IAH1: variants seen among roughly 807,000 people sequenced by gnomAD.
IAH1 encodes isoamyl acetate hydrolyzing esterase 1 (putative), also known as isoamyl acetate-hydrolyzing esterase 1 homolog.
In IAH1, 24 loss-of-function variants were observed where a neutral mutation model predicts 26.7. The ratio of observed to expected loss-of-function variants is 0.90; its 90% confidence interval spans 0.65 to 1.26. The LOEUF is 1.26. IAH1 is among the 50% of genes most tolerant of loss of function. The pLI is 0.00. For missense variants in IAH1, 300 were observed against 299.9 expected (o/e 1.00, Z 0.00); for synonymous variants, 140 against 118.5 (o/e 1.18, Z -1.18).
intron 2 of IAH1, among the ~76,000 whole-genome samples, chr2:9,477,894 A>C (rs1365331124): frequency 6.6e-6 from 1 of 152,234 alleles, no homozygotes; most frequent in Non-Finnish European, 1.5e-5. Flanking sequence ...ATACTTGCTC[A>C]GATTATCTAT....
At chr2:9,478,575 A>G (rs1224676399) in intron 3 of IAH1, among the ~76,000 whole-genome samples, 1 of 152,230 alleles carries the variant, frequency 6.6e-6, no homozygotes, top group Non-Finnish European at 1.5e-5. Context: ...GGTTGCTGGC[A>G]GTCCTAATCT....
intron 1 of IAH1, 178 bp from the exon 2 acceptor site, chr2:9,475,809 C>T: frequency 1.6e-6 from 1 of 618,576 alleles, no homozygotes. Context: ...GAAAAATCCC[C>T]CTCTGCTAAA....
At chr2:9,509,299 A>T in the IAH1 span, among the ~76,000 whole-genome samples, 3 of 152,228 alleles carry the variant, frequency 2.0e-5, no homozygotes, top group Non-Finnish European at 4.4e-5. Context: ...AGAACCAGAT[A>T]TTTATTAACA....
chr2:9,502,086 C>G, the IAH1 span: 1 of 1,190,808 alleles, frequency 8.4e-7, no homozygotes, highest in East Asian at 2.4e-5. Context: ...TAAGGTGTCT[C>G]TCATCTGAAC....
At chr2:9,502,392 C>T in the IAH1 span, 220,064 of 819,296 alleles carry the variant, frequency 0.27, 32,577 homozygotes, top group Middle Eastern at 0.32. Context: ...CTCCTGGCTC[C>T]GTCACCCACT....
the IAH1 span, chr2:9,502,383 T>A: frequency 2.1e-6 from 2 of 945,768 alleles, no homozygotes; most frequent in Non-Finnish European, 3.3e-6. Flanking sequence ...GGGGAAGACC[T>A]CCTGGCTCCG....
chr2:9,487,867 T>C (rs886464255), intron 5 of IAH1, among the ~76,000 whole-genome samples: 2 of 150,938 alleles, frequency 1.3e-5, no homozygotes, highest in Admixed American at 6.6e-5. Flanking sequence ...GGGGAGACAG[T>C]CTATCACCCA....
chr2:9,475,660 C>T (rs564494855), intron 1 of IAH1: 2 of 345,106 alleles, frequency 5.8e-6, no homozygotes, highest in Non-Finnish European at 1.1e-5. Context: ...GCCACCACAC[C>T]GGGCTAATTT....
chr2:9,487,865 A>T (rs1661694166), intron 5 of IAH1, among the ~76,000 whole-genome samples: 1 of 150,004 alleles, frequency 6.7e-6, no homozygotes, highest in Non-Finnish European at 1.5e-5. Flanking sequence ...GGGGGGAGAC[A>T]GTCTATCACC....
the IAH1 span, among the ~76,000 whole-genome samples, chr2:9,512,000 A>T: frequency 3.1e-4 from 41 of 131,378 alleles, no homozygotes; most frequent in African/African-American, 1.0e-3. Flanking sequence ...AAATAAAATA[A>T]ATATATATAC....
chr2:9,479,618 A>G (rs957399666), intron 3 of IAH1, among the ~76,000 whole-genome samples: 1 of 152,174 alleles, frequency 6.6e-6, no homozygotes, highest in Non-Finnish European at 1.5e-5. Flanking sequence ...TAATACTTAC[A>G]GCTGACACGC....
At chr2:9,503,609 G>T in the IAH1 span, among the ~76,000 whole-genome samples, 1 of 152,198 alleles carries the variant, frequency 6.6e-6, no homozygotes, top group Non-Finnish European at 1.5e-5. Flanking sequence ...GGGAGGCTGA[G>T]GCAGGCAGAT....
chr2:9,497,614 G>GAC (rs1378778192), downstream of IAH1, among the ~76,000 whole-genome samples: 6 of 152,316 alleles, frequency 3.9e-5, no homozygotes, highest in South Asian at 1.2e-3. Context: ...ATCTGGCCCT[G>GAC]ACTTCATCGC....
chr2:9,485,402 C>G (rs1481580790), intron 5 of IAH1: 12 of 152,516 alleles, frequency 7.9e-5, no homozygotes, highest in Non-Finnish European at 2.9e-5. Flanking sequence ...ACCTGTAATC[C>G]CATCACTTTG....
chr2:9,503,837 C>A, the IAH1 span, among the ~76,000 whole-genome samples: 99 of 124,730 alleles, frequency 7.9e-4, no homozygotes, highest in African/African-American at 9.1e-4. Flanking sequence ...GACTCCGTCT[C>A]AAAAAAAAAA....
In IAH1 at chr2:9,474,884, C is replaced by T; in HGVS notation, c.81+237C>T. The T allele has an allele frequency of 1.9e-6, 1 of 540,490 alleles. No individual in the cohort carries two copies. The highest frequency in any genetic ancestry group is 2.7e-6 in the Non-Finnish European group (1 of 373,416). The allele number at this position is 540,490 out of a possible 1,614,324, so 33.5% of individuals were successfully genotyped here. On this transcript the variant is annotated intron_variant, in intron 1 of 5. Transcript: ENST00000497473. This position sits in a 1 kb window ranked among gnomAD's most constrained non-coding sequence, Gnocchi z 4.3. ...AGAGCCCGGGCTCCAGGCACAGACG[C>T]GAGGGGACCCGGCCGCGCTGCCCGC... is the stretch of plus-strand genomic sequence containing the variant.
intron 3 of IAH1, among the ~76,000 whole-genome samples, chr2:9,479,796 T>G (rs907373729): frequency 4.4e-4 from 3 of 6,852 alleles, no homozygotes; most frequent in Non-Finnish European, 1.5e-3. Flanking sequence ...TGTGTATTGC[T>G]TTTTTTTTTT....
downstream of IAH1, among the ~76,000 whole-genome samples, chr2:9,491,727 T>C (rs997203055): frequency 1.3e-5 from 2 of 152,154 alleles, no homozygotes; most frequent in Non-Finnish European, 2.9e-5. Context: ...GGCTGAAGCA[T>C]AATAGGTGAC....
chr2:9,508,368 G>A, the IAH1 span, among the ~76,000 whole-genome samples: 7 of 152,060 alleles, frequency 4.6e-5, no homozygotes, highest in Non-Finnish European at 8.8e-5. Flanking sequence ...CTACATCCGC[G>A]CTACTTTTCC....
Sources: gnomAD v4.1 joint callset for allele counts (sites outside exome capture counted in the v4.1 genomes callset) on GRCh38, gnomAD v4.1.1 for gene constraint, Gnocchi (gnomAD v3.1) non-coding constraint, MANE v1.5 for transcripts, NCBI Gene and HGNC (gene_info 2026-07-23, HGNC 2026-07-21) for gene names.